MAP2: variants seen among roughly 807,000 people sequenced by gnomAD.
MAP2 encodes microtubule associated protein 2, also known as microtubule-associated protein 2.
A neutral mutation model predicts 137.6 loss-of-function variants in MAP2; 14 were observed. The ratio of observed to expected loss-of-function variants is 0.10; its 90% confidence interval spans 0.07 to 0.16. The LOEUF is 0.16. Ranked by LOEUF, MAP2 falls within the 10% of genes least tolerant of loss-of-function variation. The probability of loss-of-function intolerance (pLI) is 1.00; values close to 1 mark genes in which losing one functional copy is unlikely to be tolerated. For missense variants in MAP2, 2,088 were observed against 2,191.5 expected (o/e 0.95, Z 0.94); for synonymous variants, 786 against 782.3 (o/e 1.00, Z -0.08).
At chr2:209,443,500 A>C (rs2149413299) in intron 1 of MAP2, among the ~76,000 whole-genome samples, 1 of 151,766 alleles carries the variant, frequency 6.6e-6, no homozygotes, top group Non-Finnish European at 1.5e-5. Flanking sequence ...CAGAGCTAAC[A>C]TTAGTCAAAT....
intron 1 of MAP2, among the ~76,000 whole-genome samples, chr2:209,431,936 C>T (rs1421418117): frequency 6.6e-6 from 1 of 152,148 alleles, no homozygotes; most frequent in Non-Finnish European, 1.5e-5. Flanking sequence ...TACAAAGCTA[C>T]TGCTCCAGGG....
intron 14 of MAP2, among the ~76,000 whole-genome samples, chr2:209,729,560 C>T (rs1486269712): frequency 4.6e-5 from 7 of 151,762 alleles, no homozygotes; most frequent in African/African-American, 1.5e-4. Context: ...CTTGTTATAC[C>T]AAAAAGAAAA....
At chr2:209,447,558 C>T (rs1038269550) in intron 1 of MAP2, among the ~76,000 whole-genome samples, 3 of 151,922 alleles carry the variant, frequency 2.0e-5, no homozygotes, top group Non-Finnish European at 4.4e-5. Context: ...GCAAAAGAAA[C>T]GATAGCATTT....
intron 5 of MAP2, among the ~76,000 whole-genome samples, chr2:209,673,327 T>A (rs2049725886): frequency 6.6e-6 from 1 of 151,844 alleles, no homozygotes; most frequent in Admixed American, 6.6e-5. Flanking sequence ...ATATTTTTTA[T>A]TACTTACAGA....
chr2:209,689,151 C>A (rs758898710), intron 7 of MAP2, among the ~76,000 whole-genome samples: 2 of 152,014 alleles, frequency 1.3e-5, no homozygotes, highest in Non-Finnish European at 1.5e-5. Context: ...TATTAAAATT[C>A]TTTTAACTGT....
chr2:209,602,142 T>G (rs577155234), intron 3 of MAP2, among the ~76,000 whole-genome samples: 136 of 152,330 alleles, frequency 8.9e-4, no homozygotes, highest in African/African-American at 2.5e-3. Context: ...CCAATATGCC[T>G]TAGTTTTTTA....
At chr2:209,626,511 AATCACAGAAGTC>A (rs1037263590) in intron 4 of MAP2, among the ~76,000 whole-genome samples, 1 of 152,194 alleles carries the variant, frequency 6.6e-6, no homozygotes, top group Non-Finnish European at 1.5e-5. Flanking sequence ...CTAAAAAAAT[AATCACAGAAGTC>A]ATCAAAGCTC....
rs141466442 is a variant in MAP2, at chr2:209,694,596, T to C, written c.2426T>C (p.Met809Thr). Residue 809 changes from methionine (M) to threonine (T), a missense_variant, in exon 8 of 16, where the codon ATG becomes ACG. Met to Thr is a moderately conservative substitution (Grantham distance 81, BLOSUM62 -1). Transcript: ENST00000682079. ...GTVMAPDLPE[M>T]LDLAGTRSRL... is the part of the protein sequence containing the mutation. The stretch of plus-strand genomic sequence containing the variant: ...GTCATGGCACCTGACCTTCCTGAAA[T>C]GCTAGATCTGGCAGGCACAAGGTCA... The C allele has an allele frequency of 3.7e-5, 60 of 1,613,876 alleles. No homozygotes were observed. The highest frequency in any genetic ancestry group is 5.0e-5 in the Non-Finnish European group (59 of 1,179,914).
chr2:209,499,177 T>C (rs1486476962), intron 1 of MAP2, among the ~76,000 whole-genome samples: 1 of 152,178 alleles, frequency 6.6e-6, no homozygotes. Context: ...GTATTGCTGC[T>C]CAGAAATTTC....
intron 2 of MAP2, among the ~76,000 whole-genome samples, chr2:209,563,395 A>G (rs548943377): frequency 1.1e-3 from 162 of 147,638 alleles, no homozygotes; most frequent in Non-Finnish European, 1.9e-3. Flanking sequence ...ACCAACCTAT[A>G]CAAATTGATG....
At chr2:209,522,296 A>T (rs548571307) in intron 2 of MAP2, among the ~76,000 whole-genome samples, 1 of 152,298 alleles carries the variant, frequency 6.6e-6, no homozygotes, top group African/African-American at 2.4e-5. Context: ...TGGCTAATGC[A>T]AAACCAATGG....
At chr2:209,657,476 G>T (rs1020802206) in intron 5 of MAP2, among the ~76,000 whole-genome samples, 2 of 152,114 alleles carry the variant, frequency 1.3e-5, no homozygotes, top group African/African-American at 4.8e-5. Context: ...CATTCTAACT[G>T]GTATAAGATG....
intron 2 of MAP2, among the ~76,000 whole-genome samples, chr2:209,562,377 C>A (rs1379790441): frequency 1.3e-5 from 2 of 150,784 alleles, no homozygotes; most frequent in Non-Finnish European, 2.9e-5. Context: ...TAGCTACACA[C>A]TGGGGGTGTC....
At chr2:209,645,186 T>C (rs2094335066) in intron 4 of MAP2, among the ~76,000 whole-genome samples, 1 of 152,234 alleles carries the variant, frequency 6.6e-6, no homozygotes, top group Non-Finnish European at 1.5e-5. Flanking sequence ...AAATTATTTT[T>C]TTCCATGTGC....
At chr2:209,429,700 A>G (rs1478465591) in intron 1 of MAP2, among the ~76,000 whole-genome samples, 2 of 152,170 alleles carry the variant, frequency 1.3e-5, no homozygotes, top group East Asian at 1.9e-4. Flanking sequence ...AAGTAAATAT[A>G]CAAACTGACT....
chr2:209,578,802 A>G lies in MAP2; in HGVS notation c.-171-1234A>G, dbSNP rs1057179603. ...GGATACAGATTATGCCAAAGATTGA[A>G]TTCTCTGCCTGGGCCCTCAGGGACT... On this transcript the variant is annotated intron_variant, in intron 2 of 15. Transcript: ENST00000682079. 2.0e-5 allele frequency among the ~76,000 whole-genome samples: 3 copies of G among 152,320 alleles called. No homozygotes were observed. The East Asian group carries it at 5.8e-4, about 29-fold the overall frequency.
intron 2 of MAP2, among the ~76,000 whole-genome samples, chr2:209,549,576 A>T (rs1243873412): frequency 6.6e-6 from 1 of 152,138 alleles, no homozygotes; most frequent in African/African-American, 2.4e-5. Flanking sequence ...TTTGTAAAAG[A>T]TATTTGTTTA....
At chr2:209,720,919 C>T (rs1383219215) in intron 13 of MAP2, among the ~76,000 whole-genome samples, 1 of 151,726 alleles carries the variant, frequency 6.6e-6, no homozygotes, top group East Asian at 1.9e-4. Context: ...CCATAGAACC[C>T]AGAGTTAAAA....
chr2:209,655,788 A>AGGAT (rs1312757190), intron 5 of MAP2, among the ~76,000 whole-genome samples: 1 of 152,208 alleles, frequency 6.6e-6, no homozygotes, highest in African/African-American at 2.4e-5. Context: ...TTCCCTATAA[A>AGGAT]GGATATTTCT....
Sources: gnomAD v4.1 joint callset for allele counts (sites outside exome capture counted in the v4.1 genomes callset) on GRCh38, gnomAD v4.1.1 for gene constraint, MANE v1.5 for transcripts, NCBI Gene and HGNC (gene_info 2026-07-23, HGNC 2026-07-21) for gene names.